KIF13A: variants seen among roughly 807,000 people sequenced by gnomAD.
KIF13A encodes kinesin-like protein KIF13A.
Under a neutral mutation model 212.2 loss-of-function variants are expected in KIF13A, and 79 were observed. The observed-to-expected ratio is 0.37, with a 90% CI of 0.31 to 0.45. The LOEUF (loss-of-function observed/expected upper bound fraction) is 0.45, where lower values mean the gene tolerates loss of function less well. KIF13A is among the 20% of genes least tolerant of loss of function. KIF13A has a pLI of 1.00. For synonymous variants in KIF13A, 789 were observed against 808.6 expected, an observed-to-expected ratio of 0.98 and a Z score of 0.41; for missense variants, 1,901 against 2,209.0, an observed-to-expected ratio of 0.86 and a Z score of 2.79.
At position 17,926,307 on chromosome 6, in the gene KIF13A, C is replaced by T. The variant is rs1386276015; in HGVS notation, c.147-28127G>A. Among the ~76,000 whole-genome samples the T allele has an allele frequency of 6.6e-6, 1 of 152,178 alleles. No individual in the cohort carries two copies. The highest frequency in any genetic ancestry group is 1.5e-5 in the Non-Finnish European group (1 of 68,042). On this transcript the variant is annotated intron_variant, in intron 2 of 38. Coordinates refer to ENST00000259711, the MANE Select transcript of KIF13A (RefSeq NM_022113.6). The surrounding 1 kb of genome is among the most constrained non-coding windows in gnomAD (Gnocchi z 4.3). Reference sequence around the variant, plus strand: ...AATGCAGTGGCACAATCTTGGCTCACTGCAACCTTCTGTCTCCTGGGTTCA... The same window carrying T: ...AATGCAGTGGCACAATCTTGGCTCATTGCAACCTTCTGTCTCCTGGGTTCA...
At chr6:17,801,310 GATGAAACCCTGTCTCTAC>G (rs1762454671) in intron 20 of KIF13A, among the ~76,000 whole-genome samples, 1 of 151,708 alleles carries the variant, frequency 6.6e-6, no homozygotes, top group Non-Finnish European at 1.5e-5. Flanking sequence ...TGGCCAACAT[GATGAAACCCTGTCTCTAC>G]TAAAAATACA....
intron 3 of KIF13A, among the ~76,000 whole-genome samples, chr6:17,896,428 TC>T (rs1436832384): frequency 1.3e-5 from 2 of 152,190 alleles, no homozygotes; most frequent in African/African-American, 4.8e-5. Flanking sequence ...AAAGCACCTT[TC>T]CCTTTTCCAC....
intron 2 of KIF13A, among the ~76,000 whole-genome samples, chr6:17,932,337 T>C (rs1000760762): frequency 2.0e-5 from 3 of 152,200 alleles, no homozygotes; most frequent in African/African-American, 4.8e-5. Context: ...CATCACAAAA[T>C]GCTTCATAGA....
intron 2 of KIF13A, among the ~76,000 whole-genome samples, chr6:17,941,210 T>A (rs1226453923): frequency 6.6e-6 from 1 of 152,176 alleles, no homozygotes; most frequent in Non-Finnish European, 1.5e-5. Flanking sequence ...TATATTACCC[T>A]CCTAAAACCC....
intron 11 of KIF13A, among the ~76,000 whole-genome samples, chr6:17,835,186 C>T (rs569978877): frequency 4.2e-4 from 46 of 109,174 alleles, no homozygotes; most frequent in Non-Finnish European, 6.1e-4. Context: ...TCTGTCCACC[C>T]GCCCCCGCCA....
At chr6:17,930,491 G>A (rs1405444255) in intron 2 of KIF13A, among the ~76,000 whole-genome samples, 1 of 152,106 alleles carries the variant, frequency 6.6e-6, no homozygotes, top group Non-Finnish European at 1.5e-5. Flanking sequence ...AGGAACTTAC[G>A]TTATCAGGAA....
At chr6:17,793,389 T>C (rs528457465) in intron 25 of KIF13A, among the ~76,000 whole-genome samples, 1 of 152,188 alleles carries the variant, frequency 6.6e-6, no homozygotes, top group Non-Finnish European at 1.5e-5. Context: ...GCCAAGTTCC[T>C]AATTTTAGAG....
At position 17,849,911 on chromosome 6, in the gene KIF13A, A is replaced by G. The variant is rs676296; in HGVS notation, c.717+412T>C. ...GCTGACATGTTTCCATGGGAATTTCAGCATGAAAGGATATATATTAAAAGC... is the reference window on the plus strand; with the variant it reads ...GCTGACATGTTTCCATGGGAATTTCGGCATGAAAGGATATATATTAAAAGC... On this transcript the variant is annotated intron_variant, in intron 8 of 38. Transcript: ENST00000259711. The surrounding 1 kb of genome is among the most constrained non-coding windows in gnomAD (Gnocchi z 5.7). Among the ~76,000 whole-genome samples, 62,460 of 152,098 alleles carry G rather than the reference A, an allele frequency of 0.41. 13,365 individuals carry two copies. Among genetic ancestry groups the G allele is most frequent in the East Asian group, 0.59 (3,029 of 5,174 alleles).
At chr6:17,959,288 T>C (rs894948445) in intron 2 of KIF13A, among the ~76,000 whole-genome samples, 16 of 152,214 alleles carry the variant, frequency 1.1e-4, no homozygotes, top group Non-Finnish European at 1.6e-4. Context: ...ATCTATGTTA[T>C]AGAGACTGCA....
intron 2 of KIF13A, among the ~76,000 whole-genome samples, chr6:17,929,865 C>A (rs376581900): frequency 6.6e-6 from 1 of 152,168 alleles, no homozygotes; most frequent in Admixed American, 6.5e-5. Context: ...CTGACCTCCT[C>A]CTGTAGCAGG....
At position 17,895,634 on chromosome 6, in the gene KIF13A, C is replaced by T. The variant is rs546057722; in HGVS notation, c.159+2534G>A. On this transcript the variant is annotated intron_variant, in intron 3 of 38. Transcript: ENST00000259711. This position sits in a 1 kb window ranked among gnomAD's most constrained non-coding sequence, Gnocchi z 4.4. Reference sequence around the variant, plus strand: ...TCCACCTCTGGAAGGACTTGAACTCCAGTACTTTGTCCTCCTCAGCCCCAC... The same window carrying T: ...TCCACCTCTGGAAGGACTTGAACTCTAGTACTTTGTCCTCCTCAGCCCCAC... 2.0e-5 allele frequency among the ~76,000 whole-genome samples: 3 copies of T among 152,334 alleles called. No homozygotes were observed. In the South Asian group the frequency reaches 6.2e-4, roughly 32 times the overall value.
chr6:17,896,278 C>G (rs182448745), intron 3 of KIF13A, among the ~76,000 whole-genome samples: 3 of 125,026 alleles, frequency 2.4e-5, no homozygotes, highest in East Asian at 2.8e-4. Flanking sequence ...AGAGCTCTGT[C>G]TGACTCATGC....
intron 4 of KIF13A, among the ~76,000 whole-genome samples, chr6:17,863,089 C>T (rs1429767774): frequency 6.6e-6 from 1 of 152,102 alleles, no homozygotes; most frequent in East Asian, 1.9e-4. Flanking sequence ...AGAGCAAGAC[C>T]CCATCTCTTA....
chr6:17,874,617 CTTTT>C (rs1214001938), intron 3 of KIF13A, among the ~76,000 whole-genome samples: 1 of 151,668 alleles, frequency 6.6e-6, no homozygotes, highest in Non-Finnish European at 1.5e-5. Flanking sequence ...CATGTTTTAT[CTTTT>C]TTTATTTTTC....
At chr6:17,972,833 G>GAAAA (rs34095609) in intron 2 of KIF13A, among the ~76,000 whole-genome samples, 3 of 113,316 alleles carry the variant, frequency 2.6e-5, no homozygotes, top group Non-Finnish European at 3.6e-5. Context: ...GAGAGAGTGA[G>GAAAA]AAAAAAAAAA....
chr6:17,870,078 C>T lies in KIF13A; in HGVS notation c.220+3299G>A, dbSNP rs181787484. ...AACTAATCTACACGTAACGTATTTA[C>T]TAGGCAGATTATTTACAATAGATGT... On this transcript the variant is annotated intron_variant, in intron 4 of 38. Coordinates refer to ENST00000259711, the MANE Select transcript of KIF13A (RefSeq NM_022113.6). Among the ~76,000 whole-genome samples the T allele has an allele frequency of 1.4e-4, 21 of 152,276 alleles. 1 individual carries two copies. Among genetic ancestry groups the T allele is most frequent in the African/African-American group, 5.1e-4 (21 of 41,556 alleles).
chr6:17,873,856 T>C (rs1290898226), intron 3 of KIF13A, among the ~76,000 whole-genome samples: 2 of 152,168 alleles, frequency 1.3e-5, no homozygotes, highest in Non-Finnish European at 2.9e-5. Flanking sequence ...TCCCAAAATG[T>C]ACTGGGATTA....
intron 6 of KIF13A, among the ~76,000 whole-genome samples, chr6:17,853,788 G>A (rs554664094): frequency 4.9e-4 from 74 of 152,162 alleles, no homozygotes; most frequent in Non-Finnish European, 9.0e-4. Context: ...TAAAGAAGAG[G>A]AAGAGAATGC....
At position 17,816,949 on chromosome 6, in the gene KIF13A, C is replaced by G; in HGVS notation, c.2000+71G>C. 7.7e-7 allele frequency: 1 copy of G among 1,302,042 alleles called. No homozygotes were observed. The highest frequency in any genetic ancestry group is 1.1e-6 in the Non-Finnish European group (1 of 947,944). The allele number at this position is 1,302,042 out of a possible 1,614,324, so 80.7% of individuals were successfully genotyped here. ...TGCTAGGTTTGTCCCTGACATGTCTCAAAAACCCCTCCCTCAAAGACCCAC... is the reference window on the plus strand; with the variant it reads ...TGCTAGGTTTGTCCCTGACATGTCTGAAAAACCCCTCCCTCAAAGACCCAC... On this transcript the variant is annotated intron_variant, in intron 17 of 38. Transcript: ENST00000259711. This position sits in a 1 kb window ranked among gnomAD's most constrained non-coding sequence, Gnocchi z 4.3.
Sources: gnomAD v4.1 joint callset for allele counts (sites outside exome capture counted in the v4.1 genomes callset) on GRCh38, gnomAD v4.1.1 for gene constraint, Gnocchi (gnomAD v3.1) non-coding constraint, MANE v1.5 for transcripts, NCBI Gene and HGNC (gene_info 2026-07-23, HGNC 2026-07-21) for gene names.